The following PTPRD variants were observed in gnomAD, a reference collection of about 807,000 sequenced individuals.
The protein encoded by PTPRD is protein tyrosine phosphatase receptor type D.
PTPRD carries 34 observed loss-of-function variants against 214.5 expected under a neutral mutation model. That is an observed-to-expected ratio of 0.16 (90% CI 0.12 to 0.21). The LOEUF (loss-of-function observed/expected upper bound fraction) is 0.21. Among genes scored for constraint, PTPRD ranks in the 10% least tolerant of loss-of-function variants. The pLI is 1.00. For missense variants in PTPRD, 2,545 were observed against 2,398.7 expected (o/e 1.06, Z -1.27); for synonymous variants, 1,128 against 845.7 (o/e 1.33, Z -5.79).
intron 7 of PTPRD, among the ~76,000 whole-genome samples, chr9:9,612,712 A>T (rs933675401): frequency 6.6e-6 from 1 of 152,042 alleles, no homozygotes; most frequent in African/African-American, 2.4e-5. Context: ...CAAATTTGAG[A>T]GCCAAAAGAA....
At chr9:9,774,478 T>C (rs2821503) in intron 5 of PTPRD, among the ~76,000 whole-genome samples, 22,122 of 152,154 alleles carry the variant, frequency 0.15, 2,260 homozygotes, top group African/African-American at 0.29. Flanking sequence ...TAACCTATGT[T>C]CTTTAAGAAA....
chr9:10,414,074 G>A (rs1409860653), intron 2 of PTPRD, among the ~76,000 whole-genome samples: 1 of 151,866 alleles, frequency 6.6e-6, no homozygotes, highest in Non-Finnish European at 1.5e-5. Context: ...GATGCCAAAA[G>A]CAATAACGAT....
chr9:8,568,325 C>G (rs1012179515), intron 14 of PTPRD, among the ~76,000 whole-genome samples: 1 of 152,078 alleles, frequency 6.6e-6, no homozygotes, highest in Admixed American at 6.6e-5. Context: ...ATTCCTCCCT[C>G]CCTCCCTCTC....
chr9:10,612,226 A>AAAG (rs2081232807), intron 2 of PTPRD, among the ~76,000 whole-genome samples, 172 bp downstream of exon 2: 1 of 149,456 alleles, frequency 6.7e-6, no homozygotes. Flanking sequence ...AAAAAAAAAG[A>AAAG]AAAAAATGCT....
intron 10 of PTPRD, among the ~76,000 whole-genome samples, chr9:9,131,177 G>C (rs1276884101): frequency 6.6e-6 from 1 of 152,122 alleles, no homozygotes; most frequent in African/African-American, 2.4e-5. Flanking sequence ...TGGTGCTTTT[G>C]ATGCCTTCTT....
intron 12 of PTPRD, among the ~76,000 whole-genome samples, chr9:8,651,606 C>A (rs2096810929): frequency 6.6e-6 from 1 of 152,150 alleles, no homozygotes; most frequent in Non-Finnish European, 1.5e-5. Context: ...ACTCTATCAA[C>A]ATTTCCATGA....
intron 4 of PTPRD, among the ~76,000 whole-genome samples, chr9:9,949,311 C>T (rs1468735204): frequency 2.0e-5 from 3 of 152,058 alleles, no homozygotes; most frequent in African/African-American, 7.2e-5. Context: ...CCAAGGCTTC[C>T]TAACCTTTAA....
At chr9:10,385,567 A>T (rs1305246550) in intron 2 of PTPRD, among the ~76,000 whole-genome samples, 5 of 151,860 alleles carry the variant, frequency 3.3e-5, no homozygotes, top group Non-Finnish European at 5.9e-5. Flanking sequence ...AAAATGAAAG[A>T]TGTTATTGTG....
At chr9:9,573,074 A>G (rs576303188) in intron 8 of PTPRD, among the ~76,000 whole-genome samples, 1 of 151,836 alleles carries the variant, frequency 6.6e-6, no homozygotes, top group South Asian at 2.1e-4. Flanking sequence ...CACTATTGAT[A>G]AAGCCAAAGT....
Position 10,246,787 on chromosome 9 carries a change from G to A in PTPRD, c.-545+94176C>T, listed in dbSNP as rs186268584. 9.2e-4 allele frequency among the ~76,000 whole-genome samples: 139 copies of A among 151,660 alleles called. 1 individual carries two copies. In the South Asian group the frequency reaches 0.027, roughly 29 times the overall value. ...GTTGCATACCTGTATTTAACTACTC[G>A]AGAGGCTGAGGCAGGAGAATCGCTT... On this transcript the variant is annotated intron_variant, in intron 3 of 45. Transcript: ENST00000381196.
At chr9:8,412,945 A>T (rs1443093855) in intron 35 of PTPRD, among the ~76,000 whole-genome samples, 1 of 152,218 alleles carries the variant, frequency 6.6e-6, no homozygotes, top group African/African-American at 2.4e-5. Context: ...TAGATTCAAA[A>T]GAAAAAACAA....
intron 11 of PTPRD, among the ~76,000 whole-genome samples, chr9:8,808,316 C>T (rs1046622125): frequency 2.0e-5 from 3 of 152,002 alleles, no homozygotes; most frequent in Non-Finnish European, 4.4e-5. Flanking sequence ...AATCCTACTC[C>T]GTGCAGACAC....
intron 8 of PTPRD, among the ~76,000 whole-genome samples, chr9:9,422,052 A>T (rs1055772139): frequency 6.6e-6 from 1 of 152,096 alleles, no homozygotes; most frequent in Non-Finnish European, 1.5e-5. Flanking sequence ...ACATCTATGG[A>T]CAGGTATTTA....
chr9:10,570,173 T>G (rs2066978821), intron 2 of PTPRD, among the ~76,000 whole-genome samples: 1 of 152,182 alleles, frequency 6.6e-6, no homozygotes, highest in Admixed American at 6.6e-5. Context: ...TCACTGGACT[T>G]TATGTAATCT....
chr9:9,133,932 T>C (rs2099846743), intron 10 of PTPRD, among the ~76,000 whole-genome samples: 1 of 152,058 alleles, frequency 6.6e-6, no homozygotes, highest in East Asian at 1.9e-4. Flanking sequence ...GCAAGAAGAC[T>C]TCCATACTCT....
Position 9,766,778 on chromosome 9 carries a change from G to T in PTPRD, c.-326+32C>A, listed in dbSNP as rs114917188. The T allele has an allele frequency of 3.0e-3, 457 of 152,448 alleles. 3 individuals carry two copies. Among genetic ancestry groups the T allele is most frequent in the African/African-American group, 0.011 (437 of 41,478 alleles). 9.4% of individuals were successfully genotyped at this position (152,448 alleles called of 1,614,324 possible). On this transcript the variant is annotated intron_variant, in intron 6 of 45. Coordinates refer to ENST00000381196, the MANE Select transcript of PTPRD (RefSeq NM_002839.4). ...AATATTTTTATACTTCATTTATGGA[G>T]AAATTTTAAAATATATTTTAAATAT...
chr9:8,946,456 G>C (rs1261232908), intron 11 of PTPRD, among the ~76,000 whole-genome samples: 1 of 152,064 alleles, frequency 6.6e-6, no homozygotes, highest in African/African-American at 2.4e-5. Context: ...GTAATACGAG[G>C]TTAATAATAC....
chr9:10,002,859 C>T (rs1003335542), intron 4 of PTPRD, among the ~76,000 whole-genome samples: 1 of 151,444 alleles, frequency 6.6e-6, no homozygotes, highest in Non-Finnish European at 1.5e-5. Context: ...ATATTTCATA[C>T]ACTAGCCGAA....
At chr9:9,059,696 C>A (rs940487376) in intron 10 of PTPRD, among the ~76,000 whole-genome samples, 4 of 151,692 alleles carry the variant, frequency 2.6e-5, no homozygotes, top group African/African-American at 7.2e-5. Flanking sequence ...TTTGTATATA[C>A]AAAGATGAAA....
Sources: gnomAD v4.1 joint callset for allele counts (sites outside exome capture counted in the v4.1 genomes callset) on GRCh38, gnomAD v4.1.1 for gene constraint, MANE v1.5 for transcripts, NCBI Gene and HGNC (gene_info 2026-07-23, HGNC 2026-07-21) for gene names.